Variants in WDR19 observed in about 807,000 individuals in gnomAD.
The protein encoded by WDR19 is WD repeat domain 19, also known as WD repeat-containing protein 19.
In WDR19, 121 loss-of-function variants were observed where a neutral mutation model predicts 180.0. The observed-to-expected ratio is 0.67, with a 90% CI of 0.58 to 0.78. WDR19 has a LOEUF of 0.78. WDR19 is among the 30% of genes least tolerant of loss of function. WDR19 has a pLI of 0.00. For synonymous variants in WDR19, 497 were observed against 540.7 expected (o/e 0.92, Z 1.12); for missense variants, 1,450 against 1,640.7 (o/e 0.88, Z 2.01).
intron 13 of WDR19, 51 bp downstream of exon 13, chr4:39,217,291 C>G: frequency 2.2e-6 from 3 of 1,361,998 alleles, no homozygotes; most frequent in Non-Finnish European, 3.1e-6. Context: ...AATGAACAGC[C>G]TAATGTCTGA....
intron 28 of WDR19, among the ~76,000 whole-genome samples, chr4:39,264,269 C>T (rs920977677): frequency 6.6e-6 from 1 of 152,224 alleles, no homozygotes; most frequent in Non-Finnish European, 1.5e-5. Context: ...TTTGCTTTAA[C>T]CATTTCTCTG....
intron 19 of WDR19, 72 bp from the exon 20 acceptor site, chr4:39,234,694 A>G: frequency 1.1e-6 from 1 of 920,776 alleles, no homozygotes; most frequent in Non-Finnish European, 1.7e-6. Flanking sequence ...GTTTTATTAA[A>G]ACTAGCTCTT....
intron 10 of WDR19, among the ~76,000 whole-genome samples, chr4:39,214,984 G>C (rs561501765): frequency 6.6e-6 from 1 of 152,246 alleles, no homozygotes; most frequent in East Asian, 1.9e-4. Flanking sequence ...TGTTGGCCAG[G>C]CTGGTCTCGA....
At chr4:39,264,125 T>G (rs370199364) in intron 28 of WDR19, among the ~76,000 whole-genome samples, 1 of 152,202 alleles carries the variant, frequency 6.6e-6, no homozygotes, top group Admixed American at 6.5e-5. Flanking sequence ...ATTGACTTAT[T>G]TAATCCTCAC....
intron 24 of WDR19, among the ~76,000 whole-genome samples, chr4:39,250,184 A>T (rs969621912): frequency 6.6e-6 from 1 of 151,252 alleles, no homozygotes; most frequent in Non-Finnish European, 1.5e-5. Context: ...CATCCCTGGG[A>T]TGCAAGGCTG....
At chr4:39,281,236 T>TATATATAGAGAGAGAGAGAGAG (rs762298152) in intron 36 of WDR19, among the ~76,000 whole-genome samples, 86 of 103,946 alleles carry the variant, frequency 8.3e-4, no homozygotes, top group African/African-American at 1.3e-3. Context: ...TATATATATA[T>TATATATAGAGAGAGAGAGAGAG]AGAGAGAGAG....
chr4:39,259,184 C>T (rs898741348), intron 28 of WDR19, among the ~76,000 whole-genome samples: 21 of 152,214 alleles, frequency 1.4e-4, no homozygotes, highest in Admixed American at 9.2e-4. Context: ...TTATGCCCAT[C>T]CCGAGTTAAT....
intron 4 of WDR19, among the ~76,000 whole-genome samples, chr4:39,190,187 G>C (rs2109252145): frequency 6.6e-6 from 1 of 152,264 alleles, no homozygotes; most frequent in Middle Eastern, 3.4e-3. Flanking sequence ...GTAGCTATCA[G>C]TATGTATCAT....
chr4:39,205,020 T>C (rs1577871789), intron 7 of WDR19, 134 bp from the exon 8 acceptor site: 1 of 609,886 alleles, frequency 1.6e-6, no homozygotes, highest in East Asian at 2.8e-5. Context: ...CATATTGTAC[T>C]AGTTACAGCA....
At chr4:39,260,997 C>T (rs1054692683) in intron 28 of WDR19, among the ~76,000 whole-genome samples, 3 of 151,824 alleles carry the variant, frequency 2.0e-5, no homozygotes, top group African/African-American at 7.3e-5. Flanking sequence ...TTTTTTTGGT[C>T]TCTTTTTTGT....
intron 21 of WDR19, among the ~76,000 whole-genome samples, chr4:39,240,818 T>C (rs1731866680): frequency 6.6e-6 from 1 of 151,598 alleles, no homozygotes; most frequent in African/African-American, 2.4e-5. Context: ...TAGCCAGGCG[T>C]GGTGGTGCAC....
chr4:39,199,691 A>T, intron 6 of WDR19, 98 bp downstream of exon 6: 2 of 931,000 alleles, frequency 2.1e-6, no homozygotes, highest in East Asian at 2.6e-5. Flanking sequence ...TTAAAAATCT[A>T]TATGTGAGGT....
intron 7 of WDR19, 64 bp from the exon 8 acceptor site, chr4:39,205,090 C>T: frequency 8.3e-7 from 1 of 1,200,574 alleles, no homozygotes. Context: ...GTTGGATTTG[C>T]TTAATGGTCT....
intron 24 of WDR19, among the ~76,000 whole-genome samples, chr4:39,250,891 A>C (rs1257130660): frequency 6.6e-6 from 1 of 152,266 alleles, no homozygotes; most frequent in Non-Finnish European, 1.5e-5. Context: ...TTCCATGCTC[A>C]TGGGTAGGAA....
At chr4:39,283,899 T>C (rs910883143) in intron 36 of WDR19, among the ~76,000 whole-genome samples, 7 of 152,200 alleles carry the variant, frequency 4.6e-5, no homozygotes, top group South Asian at 2.1e-4. Context: ...TCGCTTGATA[T>C]GGAATTCTGA....
At chr4:39,211,707 C>T (rs1199562257) in intron 9 of WDR19, among the ~76,000 whole-genome samples, 3 of 152,132 alleles carry the variant, frequency 2.0e-5, no homozygotes, top group Non-Finnish European at 4.4e-5. Context: ...ATACCTCTAA[C>T]AAAACCTGTA....
intron 26 of WDR19, 134 bp downstream of exon 26, chr4:39,254,164 C>T: frequency 1.3e-5 from 10 of 766,368 alleles, no homozygotes; most frequent in African/African-American, 1.8e-5. Context: ...TATACATAGA[C>T]ACACATGTAT....
At chr4:39,274,671 A>G (rs191182691) in intron 32 of WDR19, 137 bp from the exon 33 acceptor site, 158 of 1,010,310 alleles carry the variant, frequency 1.6e-4, no homozygotes, top group Admixed American at 2.1e-4. Context: ...TAAACAGATC[A>G]TATCTGGTTC....
intron 24 of WDR19, among the ~76,000 whole-genome samples, chr4:39,247,785 G>C (rs936598721): frequency 5.9e-5 from 9 of 151,568 alleles, no homozygotes; most frequent in Admixed American, 1.3e-4. Flanking sequence ...GAAATGAAGT[G>C]TGAAGAGAAG....
Sources: gnomAD v4.1 joint callset for allele counts (sites outside exome capture counted in the v4.1 genomes callset) on GRCh38, gnomAD v4.1.1 for gene constraint, MANE v1.5 for transcripts, NCBI Gene and HGNC (gene_info 2026-07-23, HGNC 2026-07-21) for gene names.